EDIL3: variants seen among roughly 807,000 people sequenced by gnomAD.
EDIL3 encodes the protein EGF like and discoidin domains 3, also known as EGF-like repeat and discoidin I-like domain-containing protein 3.
Under a neutral mutation model 67.4 loss-of-function variants are expected in EDIL3, and 37 were observed. The ratio of observed to expected loss-of-function variants is 0.55; its 90% CI spans 0.42 to 0.72. The LOEUF is 0.72. Among genes scored for constraint, EDIL3 ranks in the 30% least tolerant of loss-of-function variants. The probability of loss-of-function intolerance (pLI) is 0.00; values close to 1 mark genes in which losing one functional copy is unlikely to be tolerated. For synonymous variants in EDIL3, 195 were observed against 196.3 expected (o/e 0.99, Z 0.05); for missense variants, 527 against 586.3 (o/e 0.90, Z 1.04).
Position 84,041,551 on chromosome 5 carries a change from T to C in EDIL3, c.1137+18749A>G, listed in dbSNP as rs543498834. On this transcript the variant is annotated intron_variant, in intron 9 of 10. Transcript: ENST00000296591. ...TGTAGAAAATGTGTGTGTGTGCATA[T>C]ATATATACATATATAGTATATATAT... is the stretch of plus-strand genomic sequence containing the variant. Among the ~76,000 whole-genome samples, 398 of 147,702 alleles carry C rather than the reference T, an allele frequency of 2.7e-3. 1 individual carries two copies. Among genetic ancestry groups the C allele is most frequent in the African/African-American group, 9.3e-3 (378 of 40,588 alleles).
chr5:83,971,446 T>C (rs966046811), intron 9 of EDIL3, among the ~76,000 whole-genome samples: 1 of 151,848 alleles, frequency 6.6e-6, no homozygotes, highest in Admixed American at 6.6e-5. Context: ...AACCTTTTAT[T>C]TTTTGCAGAA....
chr5:84,295,384 C>T (rs962789415), intron 1 of EDIL3, among the ~76,000 whole-genome samples: 27 of 151,920 alleles, frequency 1.8e-4, no homozygotes, highest in African/African-American at 6.3e-4. Context: ...GGTACTTATA[C>T]TTAAAAATGA....
At chr5:84,058,005 C>A (rs915035162) in intron 9 of EDIL3, among the ~76,000 whole-genome samples, 1 of 152,032 alleles carries the variant, frequency 6.6e-6, no homozygotes, top group Non-Finnish European at 1.5e-5. Context: ...TTAAGTCAGA[C>A]GTGGGCAGAA....
At chr5:84,294,659 T>C (rs1276878685) in intron 1 of EDIL3, among the ~76,000 whole-genome samples, 1 of 152,152 alleles carries the variant, frequency 6.6e-6, no homozygotes, top group Non-Finnish European at 1.5e-5. Context: ...AATTGATTCA[T>C]ATTGTTGGAA....
chr5:84,299,191 A>G (rs571036819), intron 1 of EDIL3, among the ~76,000 whole-genome samples: 39 of 152,170 alleles, frequency 2.6e-4, no homozygotes, highest in Non-Finnish European at 4.9e-4. Context: ...TAGGAATCCA[A>G]TGACCAAAGT....
chr5:83,947,818 A>T (rs1744340669), intron 10 of EDIL3, among the ~76,000 whole-genome samples: 1 of 151,916 alleles, frequency 6.6e-6, no homozygotes, highest in Admixed American at 6.6e-5. Context: ...AGAACTTTTG[A>T]CATACTTAAC....
intron 10 of EDIL3, among the ~76,000 whole-genome samples, chr5:83,962,995 A>G (rs1744629419): frequency 6.6e-6 from 1 of 151,666 alleles, no homozygotes; most frequent in Non-Finnish European, 1.5e-5. Context: ...TATTATCAGT[A>G]AAGCAATTTT....
At chr5:84,005,577 C>T (rs1410845323) in intron 9 of EDIL3, among the ~76,000 whole-genome samples, 2 of 152,082 alleles carry the variant, frequency 1.3e-5, no homozygotes, top group Admixed American at 6.6e-5. Flanking sequence ...GTGAAAACCA[C>T]ATGATCACCT....
Position 84,384,640 on chromosome 5 carries a change from C to G in EDIL3, c.-266G>C, listed in dbSNP as rs1260395135. ...GGAGCCGCCGGCGGGCTCAGCCCTCCGCTGCGGGTGGGTCCCGGCAGAGGC... is the reference window on the plus strand; with the variant it reads ...GGAGCCGCCGGCGGGCTCAGCCCTCGGCTGCGGGTGGGTCCCGGCAGAGGC... On this transcript the variant is annotated 5_prime_UTR_variant, in exon 1 of 11. Transcript: ENST00000296591. The G allele has an allele frequency of 7.6e-6, 2 of 261,648 alleles. No homozygotes were observed. The highest frequency in any genetic ancestry group is 6.9e-5 in the East Asian group (1 of 14,560). The allele number at this position is 261,648 out of a possible 1,614,324, so 16.2% of individuals were successfully genotyped here. A position where few individuals can be genotyped will look rare whatever the true frequency, so the allele number is the denominator to read the frequency against.
intron 3 of EDIL3, among the ~76,000 whole-genome samples, chr5:84,195,910 C>T (rs1209046736): frequency 6.6e-6 from 1 of 151,922 alleles, no homozygotes; most frequent in Non-Finnish European, 1.5e-5. Flanking sequence ...CAAGGAGAAA[C>T]TTACCTCTTT....
intron 5 of EDIL3, among the ~76,000 whole-genome samples, chr5:84,114,163 T>TC (rs1747624171): frequency 6.6e-6 from 1 of 150,508 alleles, no homozygotes; most frequent in Non-Finnish European, 1.5e-5. Context: ...TTTTTTTTTT[T>TC]TTTTTTTGAT....
intron 9 of EDIL3, among the ~76,000 whole-genome samples, chr5:84,051,281 A>C (rs1211185889): frequency 1.3e-5 from 2 of 152,372 alleles, no homozygotes; most frequent in East Asian, 3.9e-4. Flanking sequence ...ACTAACAAAC[A>C]GAAAGGACAT....
At chr5:84,245,832 T>G (rs746592780) in intron 2 of EDIL3, among the ~76,000 whole-genome samples, 8 of 151,882 alleles carry the variant, frequency 5.3e-5, no homozygotes, top group Non-Finnish European at 1.2e-4. Context: ...CCACAAGTGA[T>G]TTCAGGTTAG....
At chr5:83,988,919 A>C (rs946022623) in intron 9 of EDIL3, among the ~76,000 whole-genome samples, 2 of 152,166 alleles carry the variant, frequency 1.3e-5, no homozygotes, top group Non-Finnish European at 2.9e-5. Flanking sequence ...CAGACCAAGA[A>C]CAAGTACCAC....
At chr5:83,958,506 A>G (rs1411875756) in intron 10 of EDIL3, among the ~76,000 whole-genome samples, 1 of 151,516 alleles carries the variant, frequency 6.6e-6, no homozygotes, top group East Asian at 1.9e-4. Flanking sequence ...CAACTTTTCA[A>G]CTTATGCTTT....
intron 6 of EDIL3, among the ~76,000 whole-genome samples, chr5:84,101,690 C>T (rs1274118751): frequency 6.6e-6 from 1 of 151,930 alleles, no homozygotes; most frequent in Admixed American, 6.6e-5. Flanking sequence ...AGCCTACCAA[C>T]CAAAAAGAGC....
chr5:84,081,913 T>A (rs560380344), intron 6 of EDIL3, among the ~76,000 whole-genome samples: 1 of 152,242 alleles, frequency 6.6e-6, no homozygotes, highest in Non-Finnish European at 1.5e-5. Context: ...AATGCTCTCC[T>A]TGGCATTTGC....
Position 84,319,304 on chromosome 5 carries a change from C to CA in EDIL3, c.67+65003dup, listed in dbSNP as rs1361697138. Among the ~76,000 whole-genome samples the CA allele has an allele frequency of 9.9e-3, 932 of 93,716 alleles. 242 individuals carry two copies. Among genetic ancestry groups the CA allele is most frequent in the Middle Eastern group, 0.018 (3 of 170 alleles). 61.5% of individuals were successfully genotyped at this position (93,716 alleles called of 152,430 possible). A position where few individuals can be genotyped will look rare whatever the true frequency, so the allele number is the denominator to read the frequency against. The stretch of plus-strand genomic sequence containing the variant: ...TGAAACCCCGTCTCTACTAAAAATA[C>CA]AAAAAAAAAATTAGCCGGGCGCAGT... On this transcript the variant is annotated intron_variant, in intron 1 of 10. Coordinates refer to ENST00000296591, the MANE Select transcript of EDIL3 (RefSeq NM_005711.5).
intron 1 of EDIL3, among the ~76,000 whole-genome samples, chr5:84,311,778 C>T (rs1478010164): frequency 2.0e-5 from 3 of 152,028 alleles, no homozygotes; most frequent in African/African-American, 4.8e-5. Context: ...AGCATGCTGC[C>T]GTCAAGCATC....
Sources: allele counts gnomAD v4.1 joint callset (sites outside exome capture counted in the v4.1 genomes callset), GRCh38; gene constraint gnomAD v4.1.1; transcripts MANE v1.5; gene names NCBI Gene and HGNC (gene_info 2026-07-23, HGNC 2026-07-21).